Variants in INPP5B observed in about 807,000 individuals in gnomAD.
INPP5B encodes the protein inositol polyphosphate-5-phosphatase B.
INPP5B carries 90 observed loss-of-function variants against 118.5 expected under a neutral mutation model. The observed-to-expected ratio is 0.76, with a 90% CI of 0.64 to 0.90. The LOEUF (loss-of-function observed/expected upper bound fraction) is 0.90. Ranked by LOEUF, INPP5B falls within the 40% of genes least tolerant of loss-of-function variation. The pLI, the probability that INPP5B is intolerant of heterozygous loss-of-function variation, is 0.00. For missense variants in INPP5B, 984 were observed against 1,125.6 expected, an observed-to-expected ratio of 0.87 and a Z score of 1.80; for synonymous variants, 385 against 418.9, an observed-to-expected ratio of 0.92 and a Z score of 0.99.
intron 7 of INPP5B, chr1:37,930,791 C>T (rs1164469592): frequency 6.6e-6 from 1 of 152,268 alleles, no homozygotes; most frequent in Non-Finnish European, 1.5e-5. Flanking sequence ...GTTTCCAAGC[C>T]TTGTAAGAGC....
intron 6 of INPP5B, among the ~76,000 whole-genome samples, chr1:37,939,516 C>T (rs1468276609): frequency 2.0e-5 from 3 of 149,654 alleles, no homozygotes; most frequent in Admixed American, 6.7e-5. Context: ...GCAATCTCGG[C>T]TTACTGCAAG....
At chr1:37,910,581 G>A (rs1328752915) in intron 7 of INPP5B, among the ~76,000 whole-genome samples, 2 of 149,992 alleles carry the variant, frequency 1.3e-5, no homozygotes, top group African/African-American at 4.9e-5. Flanking sequence ...GGCAACGGAT[G>A]ATGCACCCCT....
Position 37,866,453 on chromosome 1 carries a change from G to T in INPP5B, c.2386+6C>A. 2.2e-6 allele frequency: 3 copies of T among 1,394,706 alleles called. No individual in the cohort carries two copies. Among genetic ancestry groups the T allele is most frequent in the Non-Finnish European group, 3.0e-6 (3 of 992,776 alleles). The allele number at this position is 1,394,706 out of a possible 1,614,324, so 86.4% of individuals were successfully genotyped here. On this transcript the variant is annotated splice_donor_region_variant and intron_variant, in intron 21 of 23. Coordinates refer to ENST00000373024, the MANE Select transcript of INPP5B (RefSeq NM_005540.3). ...ACACACACAGAGCTGAATGTCTGAA[G>T]GATACAGAGGTTATCAATCATTCCA...
intron 6 of INPP5B, among the ~76,000 whole-genome samples, chr1:37,935,486 C>A (rs1172790563): frequency 6.6e-6 from 1 of 151,542 alleles, no homozygotes; most frequent in East Asian, 2.1e-4. Flanking sequence ...AGCCACCTTG[C>A]AGGCTGGCAC....
chr1:37,909,595 G>C (rs1414060930), intron 7 of INPP5B, among the ~76,000 whole-genome samples: 2 of 152,118 alleles, frequency 1.3e-5, no homozygotes, highest in African/African-American at 2.4e-5. Flanking sequence ...ACCCAGCCCA[G>C]TCCATGGCCC....
intron 7 of INPP5B, among the ~76,000 whole-genome samples, chr1:37,901,380 AG>A (rs1331799125): frequency 5.3e-5 from 8 of 152,198 alleles, no homozygotes; most frequent in African/African-American, 1.7e-4. Flanking sequence ...TCAAAATTTC[AG>A]GGGCCTTTAC....
intron 7 of INPP5B, among the ~76,000 whole-genome samples, chr1:37,893,150 T>C (rs1643899553): frequency 7.0e-6 from 1 of 143,216 alleles, no homozygotes; most frequent in Non-Finnish European, 1.5e-5. Context: ...AGCCTGATCA[T>C]GGTTCACTGT....
rs1209685936 is a variant in INPP5B, at chr1:37,943,670, C to T, written c.251-1G>A. 5 of 1,613,920 alleles carry T rather than the reference C, an allele frequency of 3.1e-6. No individual in the cohort carries two copies. Among genetic ancestry groups the T allele is most frequent in the Non-Finnish European group, 3.4e-6 (4 of 1,179,978 alleles). ...ATGTAGAGTTCACCATCTGGGGACA[C>T]TGTGGGGAGGGAAATGAGAATGCCC... On this transcript the variant is annotated splice_acceptor_variant, in intron 4 of 23. Transcript: ENST00000373024. LOFTEE classifies it high-confidence loss of function.
chr1:37,944,810 G>A (rs749449073), intron 3 of INPP5B, among the ~76,000 whole-genome samples: 10 of 151,674 alleles, frequency 6.6e-5, no homozygotes, highest in Admixed American at 1.3e-4. Flanking sequence ...TAGGGGGGGC[G>A]GTCTCGCTAT....
At chr1:37,900,733 A>G (rs2148564179) in intron 7 of INPP5B, among the ~76,000 whole-genome samples, 1 of 150,256 alleles carries the variant, frequency 6.7e-6, no homozygotes, top group East Asian at 2.0e-4. Context: ...GGTTCAAGCA[A>G]TTCTCATACC....
At chr1:37,918,757 A>G (rs1356576178) in intron 7 of INPP5B, among the ~76,000 whole-genome samples, 1 of 152,214 alleles carries the variant, frequency 6.6e-6, no homozygotes, top group African/African-American at 2.4e-5. Context: ...AGACCTCAAA[A>G]GGATAAACAA....
At chr1:37,880,009 G>C (rs906213078) in intron 15 of INPP5B, 76 bp downstream of exon 15, 1 of 862,804 alleles carries the variant, frequency 1.2e-6, no homozygotes, top group Non-Finnish European at 1.9e-6. Context: ...TTCTTCCTTA[G>C]GTCCAAAAGG....
chr1:37,945,947 A>T (rs1382765602), intron 2 of INPP5B, 97 bp from the exon 3 acceptor site: 1 of 1,137,648 alleles, frequency 8.8e-7, no homozygotes, highest in African/African-American at 1.5e-5. Context: ...CCCCAGATTC[A>T]CTGTGTGGCC....
chr1:37,929,708 C>T (rs965417969), intron 7 of INPP5B: 2 of 151,932 alleles, frequency 1.3e-5, no homozygotes, highest in African/African-American at 4.8e-5. Context: ...TAGTGTCACC[C>T]CACTTACTGT....
intron 19 of INPP5B, among the ~76,000 whole-genome samples, chr1:37,871,165 A>G (rs1388011153): frequency 6.7e-6 from 1 of 149,684 alleles, no homozygotes; most frequent in Non-Finnish European, 1.5e-5. Flanking sequence ...CAAAAAAAAA[A>G]AAAAAAAAAA....
intron 7 of INPP5B, among the ~76,000 whole-genome samples, chr1:37,909,454 C>G (rs980521185): frequency 1.3e-5 from 2 of 152,168 alleles, no homozygotes; most frequent in Admixed American, 6.5e-5. Flanking sequence ...AGCCCTCCCC[C>G]ACCTGCCCAA....
intron 15 of INPP5B, among the ~76,000 whole-genome samples, chr1:37,878,643 A>T (rs867660079): frequency 5.4e-4 from 82 of 151,754 alleles, no homozygotes; most frequent in Non-Finnish European, 9.4e-4. Flanking sequence ...TTTTATTTTT[A>T]TTTATTTATT....
In INPP5B at chr1:37,869,668, C is replaced by CG. The variant is rs954064891; in HGVS notation, c.2188-1055dup. Among the ~76,000 whole-genome samples the CG allele has an allele frequency of 1.1e-4, 17 of 150,324 alleles. No homozygotes were observed. In the South Asian group the frequency reaches 1.7e-3, roughly 15 times the overall value. On this transcript the variant is annotated intron_variant, in intron 19 of 23. Coordinates refer to ENST00000373024, the MANE Select transcript of INPP5B (RefSeq NM_005540.3). Reference sequence around the variant, plus strand: ...CTAATTTTTTTATTTTTAGTAGAGACGGGGGGTTTCACCATCTTGGCCAGG... The same window carrying CG: ...CTAATTTTTTTATTTTTAGTAGAGACGGGGGGGTTTCACCATCTTGGCCAGG...
At chr1:37,863,408 G>A (rs1027351676) in intron 23 of INPP5B, among the ~76,000 whole-genome samples, 2 of 152,028 alleles carry the variant, frequency 1.3e-5, no homozygotes, top group Middle Eastern at 3.4e-3. Context: ...CCAGCTACTC[G>A]GGAGGCTGAG....
Sources: allele counts gnomAD v4.1 joint callset (sites outside exome capture counted in the v4.1 genomes callset), GRCh38; gene constraint gnomAD v4.1.1; transcripts MANE v1.5; gene names NCBI Gene and HGNC (gene_info 2026-07-23, HGNC 2026-07-21).